Variants in FBXO7 observed in about 807,000 individuals in gnomAD.
FBXO7 encodes F-box only protein 7.
In FBXO7, 31 loss-of-function variants were observed where a neutral mutation model predicts 50.2. The ratio of observed to expected loss-of-function variants is 0.62; its 90% confidence interval spans 0.46 to 0.83. FBXO7 has a LOEUF of 0.83. FBXO7 is among the 40% of genes least tolerant of loss of function. The pLI, the probability that FBXO7 is intolerant of heterozygous loss-of-function variation, is 0.00. For missense variants in FBXO7, 667 were observed against 646.6 expected (o/e 1.03, Z -0.34); for synonymous variants, 256 against 253.1 (o/e 1.01, Z -0.11).
At chr22:32,491,045 C>T (rs1342104911) in intron 5 of FBXO7, 41 bp from the exon 6 acceptor site, 3 of 1,433,318 alleles carry the variant, frequency 2.1e-6, no homozygotes, top group Admixed American at 1.7e-5. Context: ...AGTTTTTTCA[C>T]TTGATTTTGG....
intron 2 of FBXO7, among the ~76,000 whole-genome samples, chr22:32,479,521 C>T (rs751714383): frequency 9.2e-5 from 14 of 151,614 alleles, no homozygotes; most frequent in South Asian, 2.1e-4. Context: ...CTCAGCCTCC[C>T]GAGTAGCTGG....
intron 7 of FBXO7, 152 bp downstream of exon 7, chr22:32,493,433 C>T: frequency 2.8e-6 from 2 of 703,164 alleles, no homozygotes; most frequent in Non-Finnish European, 5.1e-6. Flanking sequence ...TATACCTGTG[C>T]CTGTGTCCCT....
intron 1 of FBXO7, among the ~76,000 whole-genome samples, chr22:32,478,500 A>G (rs1228044900): frequency 6.6e-6 from 1 of 152,160 alleles, no homozygotes; most frequent in Non-Finnish European, 1.5e-5. Flanking sequence ...CCAGGTGGAG[A>G]GTTTTAGCCA....
intron 6 of FBXO7, chr22:32,491,449 G>C (rs1490914922): frequency 2.6e-6 from 1 of 384,156 alleles, no homozygotes; most frequent in Non-Finnish European, 4.8e-6. Flanking sequence ...GGAATACCTT[G>C]AAGGTAGGGA....
intron 2 of FBXO7, among the ~76,000 whole-genome samples, chr22:32,479,506 C>T (rs181108799): frequency 6.6e-6 from 1 of 151,360 alleles, no homozygotes; most frequent in African/African-American, 2.4e-5. Flanking sequence ...AAGCGATTCT[C>T]CTGCCTCAGC....
chr22:32,489,449 T>C lies in FBXO7; in HGVS notation c.871+1621T>C, dbSNP rs115573228. On this transcript the variant is annotated intron_variant, in intron 5 of 8. Transcript: ENST00000266087. ...TATTTATCACCGTATAGGGAGGACC[T>C]TGTTATGGGGAGTAGAAACACTCTA... 644 of 152,296 alleles carry C rather than the reference T, an allele frequency of 4.2e-3. 5 individuals carry two copies. The highest frequency in any genetic ancestry group is 0.015 in the African/African-American group (614 of 41,566). 9.4% of individuals were successfully genotyped at this position (152,296 alleles called of 1,614,324 possible). A position where few individuals can be genotyped will look rare whatever the true frequency, so the allele number is the denominator to read the frequency against.
In FBXO7 at chr22:32,480,280, A is replaced by G. The variant is rs558112310; in HGVS notation, c.417+1005A>G. ...TAGTTCAACCCTGTCATTTTACAGA[A>G]GAGGAAAATGGTGTCTGTCCTCCTG... On this transcript the variant is annotated intron_variant, in intron 2 of 8. Coordinates refer to ENST00000266087, the MANE Select transcript of FBXO7 (RefSeq NM_012179.4). 1.9e-3 allele frequency among the ~76,000 whole-genome samples: 286 copies of G among 152,324 alleles called. 1 individual carries two copies. The highest frequency in any genetic ancestry group is 6.7e-3 in the African/African-American group (279 of 41,564).
At chr22:32,488,558 G>T (rs1444619006) in intron 5 of FBXO7, 1 of 152,166 alleles carries the variant, frequency 6.6e-6, no homozygotes, top group East Asian at 1.9e-4. Flanking sequence ...GTAAACTTAG[G>T]AGGGTTTTAA....
chr22:32,495,395 G>C, intron 7 of FBXO7, 98 bp from the exon 8 acceptor site: 3 of 721,282 alleles, frequency 4.2e-6, no homozygotes, highest in Non-Finnish European at 7.2e-6. Context: ...TGCTTAACGG[G>C]TAAGTTTCAC....
chr22:32,493,301 A>G lies in FBXO7; in HGVS notation c.1144+20A>G. On this transcript the variant is annotated intron_variant, in intron 7 of 8. Coordinates refer to ENST00000266087, the MANE Select transcript of FBXO7 (RefSeq NM_012179.4). Reference sequence around the variant, plus strand: ...TTCGAGGTGATTTCCGTAATGACATATTCACAAGAAAGGGCTCTTATTGTC... The same window carrying G: ...TTCGAGGTGATTTCCGTAATGACATGTTCACAAGAAAGGGCTCTTATTGTC... 3.7e-6 allele frequency: 6 copies of G among 1,608,388 alleles called. No homozygotes were observed. Among genetic ancestry groups the G allele is most frequent in the African/African-American group, 2.7e-5 (2 of 74,902 alleles).
In FBXO7 at chr22:32,498,496, G is replaced by A. The variant is rs142471722; in HGVS notation, c.1535G>A (p.Gly512Asp). 5.1e-5 allele frequency: 82 copies of A among 1,613,016 alleles called. No individual in the cohort carries two copies. Among genetic ancestry groups the A allele is most frequent in the Non-Finnish European group, 4.2e-6 (5 of 1,179,180 alleles). Reference protein sequence around the residue: ...NDRFPFRPSRGRPTDGRLSFM With the variant: ...NDRFPFRPSRDRPTDGRLSFM ...AGATTTCCCTTTAGACCCAGCAGGGGTCGGCCAACTGATGGCCGGCTGTCA... is the reference window on the plus strand; with the variant it reads ...AGATTTCCCTTTAGACCCAGCAGGGATCGGCCAACTGATGGCCGGCTGTCA... The change falls in exon 9 of 9, where the codon GGT (glycine) becomes GAT (aspartate). Residue 512 changes from glycine to aspartate, a missense_variant. By Grantham distance (94) the Gly-to-Asp change is moderately conservative. Transcript: ENST00000266087.
chr22:32,497,134 T>A (rs1006622916), intron 8 of FBXO7, among the ~76,000 whole-genome samples: 10 of 152,224 alleles, frequency 6.6e-5, no homozygotes, highest in Non-Finnish European at 7.3e-5. Flanking sequence ...TTCTTACGGA[T>A]AAAGAGAGAA....
chr22:32,488,698 T>C (rs907319082), intron 5 of FBXO7: 1 of 152,186 alleles, frequency 6.6e-6, no homozygotes, highest in Non-Finnish European at 1.5e-5. Context: ...CTAGGGGAGA[T>C]CAGCCCTGAG....
intron 7 of FBXO7, among the ~76,000 whole-genome samples, chr22:32,494,913 T>C (rs1157045223): frequency 6.6e-6 from 1 of 152,242 alleles, no homozygotes; most frequent in Non-Finnish European, 1.5e-5. Context: ...GTTGAATGGG[T>C]TTCTCTTTCC....
At chr22:32,481,999 G>T (rs1010236830) in intron 2 of FBXO7, among the ~76,000 whole-genome samples, 2 of 151,992 alleles carry the variant, frequency 1.3e-5, no homozygotes, top group African/African-American at 4.8e-5. Context: ...CCCAGCAGGG[G>T]ATTTTGATAT....
chr22:32,490,074 T>C (rs138348736), intron 5 of FBXO7: 2 of 152,334 alleles, frequency 1.3e-5, no homozygotes, highest in Admixed American at 6.5e-5. Context: ...TCTCTTTCCT[T>C]CTTCTTATCG....
At chr22:32,480,370 C>G (rs920456176) in intron 2 of FBXO7, among the ~76,000 whole-genome samples, 1 of 152,030 alleles carries the variant, frequency 6.6e-6, no homozygotes, top group Non-Finnish European at 1.5e-5. Flanking sequence ...AGTTTCTGTT[C>G]TTCCTTCCTT....
intron 6 of FBXO7, 73 bp downstream of exon 6, chr22:32,491,254 T>A: frequency 8.8e-7 from 1 of 1,132,710 alleles, no homozygotes; most frequent in Non-Finnish European, 1.3e-6. Flanking sequence ...TCTTGGTGAG[T>A]ATGACATCTG....
intron 8 of FBXO7, among the ~76,000 whole-genome samples, chr22:32,497,874 T>G (rs1205542641): frequency 1.3e-5 from 2 of 152,226 alleles, no homozygotes. Context: ...AGGTGATTGT[T>G]AGCATATTTT....
Sources: gnomAD v4.1 joint callset for allele counts (sites outside exome capture counted in the v4.1 genomes callset) on GRCh38, gnomAD v4.1.1 for gene constraint, MANE v1.5 for transcripts, NCBI Gene and HGNC (gene_info 2026-07-23, HGNC 2026-07-21) for gene names.